Variants in DHRSX observed in about 807,000 individuals in gnomAD.
DHRSX encodes dehydrogenase/reductase X-linked.
DHRSX carries 31 observed loss-of-function variants against 34.0 expected under a neutral mutation model. The observed-to-expected ratio is 0.91, with a 90% CI of 0.69 to 1.23. The LOEUF (loss-of-function observed/expected upper bound fraction) is 1.23, where lower values mean the gene tolerates loss of function less well. Ranked by LOEUF, DHRSX falls within the 50% of genes most tolerant of loss-of-function variation. The probability of loss-of-function intolerance (pLI) is 0.00; values close to 1 mark genes in which losing one functional copy is unlikely to be tolerated. For synonymous variants in DHRSX, 201 were observed against 183.8 expected (o/e 1.09, Z -0.76); for missense variants, 414 against 428.1 (o/e 0.97, Z 0.29).
chrX:2,467,457 C>A (rs1230389378), intron 1 of DHRSX, among the ~76,000 whole-genome samples: 1 of 152,124 alleles, frequency 6.6e-6, no homozygotes, highest in Non-Finnish European at 1.5e-5. Context: ...ACGGGTGACC[C>A]CAGAAACAAG....
chrX:2,244,437 G>GTGTTACAT (rs1372058409), intron 5 of DHRSX, among the ~76,000 whole-genome samples: 7 of 151,972 alleles, frequency 4.6e-5, no homozygotes, highest in Non-Finnish European at 8.8e-5. Flanking sequence ...GTTATTTGCG[G>GTGTTACAT]TGTTACATAA....
At chrX:2,237,569 G>A (rs1191800792) in intron 6 of DHRSX, among the ~76,000 whole-genome samples, 2 of 150,888 alleles carry the variant, frequency 1.3e-5, no homozygotes, top group African/African-American at 4.9e-5. Flanking sequence ...GCAGTGGCAT[G>A]ATCTGGGCTC....
chrX:2,233,765 A>AG (rs2015951761), intron 6 of DHRSX, among the ~76,000 whole-genome samples: 1 of 152,064 alleles, frequency 6.6e-6, no homozygotes, highest in African/African-American at 2.4e-5. Flanking sequence ...GCACAAGTGC[A>AG]GGAAAAAAAA....
At chrX:2,492,731 C>G (rs1377387718) in intron 1 of DHRSX, among the ~76,000 whole-genome samples, 8 of 152,166 alleles carry the variant, frequency 5.3e-5, no homozygotes, top group African/African-American at 1.9e-4. Flanking sequence ...CCAGGAGCCC[C>G]CAGGAGCTGG....
chrX:2,347,406 A>T (rs2042733770), intron 3 of DHRSX, among the ~76,000 whole-genome samples: 1 of 152,144 alleles, frequency 6.6e-6, no homozygotes, highest in Admixed American at 6.5e-5. Flanking sequence ...ACAAGATGAG[A>T]TTTGGGGCCG....
At chrX:2,426,420 T>A (rs1471300779) in intron 1 of DHRSX, among the ~76,000 whole-genome samples, 1 of 148,400 alleles carries the variant, frequency 6.7e-6, no homozygotes, top group East Asian at 2.1e-4. Flanking sequence ...TCTTCCTTCA[T>A]TCCTTCCTTC....
At chrX:2,308,108 G>A (rs1251882995) in intron 3 of DHRSX, among the ~76,000 whole-genome samples, 1 of 152,120 alleles carries the variant, frequency 6.6e-6, no homozygotes, top group Non-Finnish European at 1.5e-5. Context: ...GAGTGTTTGG[G>A]AGTATTTAAC....
In DHRSX at chrX:2,257,116, C is replaced by T. The variant is rs754322925; in HGVS notation, c.596+9624G>A. 5.3e-5 allele frequency among the ~76,000 whole-genome samples: 8 copies of T among 152,178 alleles called. No homozygotes were observed. The South Asian group carries it at 1.5e-3, about 28-fold the overall frequency. On this transcript the variant is annotated intron_variant, in intron 5 of 6. Transcript: ENST00000334651. Reference sequence around the variant, plus strand: ...GATTACAGGTGTGCACCCCCACGCCCAGCTAATTTTTGTATTTTTAGTAGA... The same window carrying T: ...GATTACAGGTGTGCACCCCCACGCCTAGCTAATTTTTGTATTTTTAGTAGA...
chrX:2,229,477 G>T (rs1021338871), intron 6 of DHRSX, among the ~76,000 whole-genome samples: 1 of 152,010 alleles, frequency 6.6e-6, no homozygotes, highest in African/African-American at 2.4e-5. Context: ...GCTCCTTCTG[G>T]AATGTTCTGG....
At chrX:2,471,524 A>T (rs1470400312) in intron 1 of DHRSX, among the ~76,000 whole-genome samples, 2 of 151,764 alleles carry the variant, frequency 1.3e-5, no homozygotes, top group East Asian at 3.9e-4. Flanking sequence ...AGATTGAGCC[A>T]TTGCACTGCA....
chrX:2,297,289 C>A (rs1434509400), intron 3 of DHRSX, among the ~76,000 whole-genome samples: 1 of 152,268 alleles, frequency 6.6e-6, no homozygotes, highest in East Asian at 1.9e-4. Context: ...CGCCTGGCTA[C>A]TTTTTGTAGT....
rs1353387114 is a variant in DHRSX, at chrX:2,295,392, A to G, written c.287-3789T>C. Among the ~76,000 whole-genome samples the G allele has an allele frequency of 2.6e-5, 4 of 152,138 alleles. No homozygotes were observed. In the East Asian group the frequency reaches 5.8e-4, roughly 22 times the overall value. On this transcript the variant is annotated intron_variant, in intron 3 of 6. Transcript: ENST00000334651. ...TTGAACAATGAGAACACATGGACAC[A>G]GGGAGGGGAACATCACACACCAGGG...
At chrX:2,367,873 T>C (rs750148096) in intron 3 of DHRSX, among the ~76,000 whole-genome samples, 2 of 152,242 alleles carry the variant, frequency 1.3e-5, no homozygotes, top group South Asian at 2.1e-4. Flanking sequence ...AGAAGGCACA[T>C]TGAAGTTCAA....
At chrX:2,426,819 C>T (rs180822706) in intron 1 of DHRSX, among the ~76,000 whole-genome samples, 192 of 151,422 alleles carry the variant, frequency 1.3e-3, no homozygotes, top group African/African-American at 4.3e-3. Flanking sequence ...CTCTTTCCTT[C>T]CCTCCCTCTT....
At chrX:2,476,411 AAG>A (rs1409144990) in intron 1 of DHRSX, among the ~76,000 whole-genome samples, 1 of 151,724 alleles carries the variant, frequency 6.6e-6, no homozygotes, top group African/African-American at 2.4e-5. Flanking sequence ...AAAAAAAAAA[AAG>A]AAAGAAAAGA....
chrX:2,330,073 C>CG (rs2042439506), intron 3 of DHRSX, among the ~76,000 whole-genome samples: 1 of 6,170 alleles, frequency 1.6e-4, no homozygotes. Flanking sequence ...AGAGAGACGG[C>CG]GGGGGGGGGG....
chrX:2,403,151 G>A (rs1603053306), intron 3 of DHRSX, among the ~76,000 whole-genome samples: 1 of 152,172 alleles, frequency 6.6e-6, no homozygotes, highest in Non-Finnish European at 1.5e-5. Context: ...CCAAAGTGCT[G>A]GGATTCAGGG....
intron 5 of DHRSX, among the ~76,000 whole-genome samples, chrX:2,257,550 C>T (rs1190960831): frequency 2.6e-5 from 4 of 152,168 alleles, no homozygotes; most frequent in Admixed American, 6.5e-5. Context: ...GACTGAATTA[C>T]GTCTCCCCAG....
rs779341647 is a variant in DHRSX, at chrX:2,243,149, CAGCAGCCGCT to C, written c.668_677del (p.Gln223ArgfsTer8). ...CGGTCACGTGGCTTCCCTCAGCCGC[CAGCAGCCGCT>C]GGAGGTGGTAGGTGAACAGGACAAG... On this transcript the variant is annotated frameshift_variant, in exon 6 of 7. Transcript: ENST00000334651. LOFTEE classifies it high-confidence loss of function. 1 of 1,613,812 alleles carries C rather than the reference CAGCAGCCGCT, an allele frequency of 6.2e-7. No homozygotes were observed. Among genetic ancestry groups the C allele is most frequent in the Non-Finnish European group, 8.5e-7 (1 of 1,179,886 alleles).
Sources: allele counts gnomAD v4.1 joint callset (sites outside exome capture counted in the v4.1 genomes callset), GRCh38; gene constraint gnomAD v4.1.1; transcripts MANE v1.5; gene names NCBI Gene and HGNC (gene_info 2026-07-23, HGNC 2026-07-21).